Variants in PSD3 observed in about 807,000 individuals in gnomAD.
PSD3 encodes PH and SEC7 domain-containing protein 3.
PSD3 carries 49 observed loss-of-function variants against 105.5 expected under a neutral mutation model. That is an observed-to-expected ratio of 0.46 (90% confidence interval 0.37 to 0.59). The LOEUF is 0.59. Among genes scored for constraint, PSD3 ranks in the 20% least tolerant of loss-of-function variants. The probability of loss-of-function intolerance (pLI) is 0.00; values close to 1 mark genes in which losing one functional copy is unlikely to be tolerated. For synonymous variants in PSD3, 557 were observed against 457.8 expected (o/e 1.22, Z -2.77); for missense variants, 1,561 against 1,263.8 (o/e 1.24, Z -3.57).
At chr8:18,612,163 G>GT (rs34478219) in intron 11 of PSD3, among the ~76,000 whole-genome samples, 33,574 of 152,016 alleles carry the variant, frequency 0.22, 3,965 homozygotes, top group Middle Eastern at 0.38. Flanking sequence ...AAATTTCTTT[G>GT]TTTCTGCCCA....
At position 18,642,336 on chromosome 8, in the gene PSD3, T is replaced by C. The variant is rs149815399; in HGVS notation, c.2217-9530A>G. Among the ~76,000 whole-genome samples the C allele has an allele frequency of 4.6e-3, 704 of 152,268 alleles. 4 individuals carry two copies. Among genetic ancestry groups the C allele is most frequent in the African/African-American group, 0.015 (637 of 41,584 alleles). ...GCTAAATTTTCTCACCTTTAAAAAA[T>C]ATACATATATGTATAAATTATAATG... On this transcript the variant is annotated intron_variant, in intron 10 of 15. Transcript: ENST00000327040.
chr8:19,046,040 A>T (rs1828305469), intron 1 of PSD3, among the ~76,000 whole-genome samples: 1 of 152,124 alleles, frequency 6.6e-6, no homozygotes, highest in South Asian at 2.1e-4. Context: ...GGGGAAGCAA[A>T]CTCTTATAGG....
intron 6 of PSD3, chr8:18,802,368 G>C (rs1202345523): frequency 2.6e-6 from 1 of 385,902 alleles, no homozygotes; most frequent in Non-Finnish European, 5.0e-6. Context: ...CATGAGATGG[G>C]AAGGAAAAAA....
At chr8:18,910,637 TAAAAAAAAAA>T (rs34392783) in intron 2 of PSD3, among the ~76,000 whole-genome samples, 1 of 97,114 alleles carries the variant, frequency 1.0e-5, no homozygotes, top group Non-Finnish European at 2.1e-5. Context: ...TAGAGTATAA[TAAAAAAAAAA>T]AAAAAAAAAA....
At chr8:18,968,227 G>C (rs922792369) in intron 1 of PSD3, among the ~76,000 whole-genome samples, 2 of 152,160 alleles carry the variant, frequency 1.3e-5, no homozygotes, top group African/African-American at 4.8e-5. Context: ...CCCAACATCT[G>C]AGATTCTCCA....
intron 1 of PSD3, among the ~76,000 whole-genome samples, chr8:19,067,179 G>C (rs1374017265): frequency 2.0e-5 from 3 of 152,186 alleles, no homozygotes; most frequent in Non-Finnish European, 4.4e-5. Flanking sequence ...GTATTGTGCT[G>C]TGCCTTCGTT....
intron 2 of PSD3, among the ~76,000 whole-genome samples, chr8:18,933,865 A>AG (rs1821904761): frequency 6.6e-6 from 1 of 152,206 alleles, no homozygotes. Flanking sequence ...CTTCAAGCCC[A>AG]GAATAGTTAG....
At chr8:18,578,343 C>G (rs530212364) in intron 12 of PSD3, among the ~76,000 whole-genome samples, 1 of 152,120 alleles carries the variant, frequency 6.6e-6, no homozygotes, top group Non-Finnish European at 1.5e-5. Context: ...GTAGCTAAGA[C>G]AGATTTAAGG....
At chr8:18,556,565 T>C (rs1176380359) in intron 14 of PSD3, among the ~76,000 whole-genome samples, 2 of 152,200 alleles carry the variant, frequency 1.3e-5, no homozygotes, top group African/African-American at 2.4e-5. Context: ...CCAACCTCTT[T>C]AACTAGGTCC....
intron 11 of PSD3, among the ~76,000 whole-genome samples, chr8:18,610,835 AG>A (rs1223472445): frequency 6.6e-6 from 1 of 151,174 alleles, no homozygotes; most frequent in Non-Finnish European, 1.5e-5. Context: ...AATGCCAGAA[AG>A]TATCATAAAC....
upstream of PSD3, among the ~76,000 whole-genome samples, chr8:19,017,333 G>A (rs1827209540): frequency 6.6e-6 from 1 of 152,158 alleles, no homozygotes; most frequent in South Asian, 2.1e-4. Flanking sequence ...ACAGGCATGA[G>A]TGACCGTGCC....
intron 1 of PSD3, among the ~76,000 whole-genome samples, chr8:19,048,664 A>G (rs1014377429): frequency 2.0e-5 from 3 of 152,244 alleles, no homozygotes; most frequent in Non-Finnish European, 4.4e-5. Flanking sequence ...TTGCCTGTGA[A>G]GCAGTAATCA....
chr8:18,768,079 T>C (rs975951067), intron 8 of PSD3, among the ~76,000 whole-genome samples: 1 of 127,570 alleles, frequency 7.8e-6, no homozygotes, highest in African/African-American at 2.9e-5. Flanking sequence ...GAGACCAGCC[T>C]GGCCAACATA....
exon 1 of PSD3, chr8:19,084,361 T>C (rs143372606): frequency 2.9e-5 from 13 of 456,132 alleles, no homozygotes; most frequent in African/African-American, 2.0e-4. Context: ...GCGCCTCTCC[T>C]CAGCACAGTC....
intron 4 of PSD3, among the ~76,000 whole-genome samples, chr8:18,810,831 C>G (rs1353620015): frequency 1.3e-5 from 2 of 152,152 alleles, no homozygotes; most frequent in African/African-American, 4.8e-5. Context: ...AGGCTGATGA[C>G]ATAGAAACAC....
intron 8 of PSD3, among the ~76,000 whole-genome samples, chr8:18,792,903 A>G (rs1474547296): frequency 1.3e-5 from 2 of 152,210 alleles, no homozygotes; most frequent in East Asian, 3.9e-4. Flanking sequence ...ACTATTCACA[A>G]TAGCGAAGAC....
At chr8:18,788,181 C>T (rs1451291812) in intron 8 of PSD3, among the ~76,000 whole-genome samples, 2 of 152,136 alleles carry the variant, frequency 1.3e-5, no homozygotes, top group Non-Finnish European at 2.9e-5. Flanking sequence ...AGCAAGCAAA[C>T]AGGTTAGGCA....
In PSD3 at chr8:18,531,535, C is replaced by T. The variant is rs538243620; in HGVS notation, c.*4208G>A. The T allele has an allele frequency of 1.1e-4, 17 of 152,344 alleles. No homozygotes were observed. The highest frequency in any genetic ancestry group is 1.0e-3 in the Admixed American group (16 of 15,298). 9.4% of individuals were successfully genotyped at this position (152,344 alleles called of 1,614,324 possible). On this transcript the variant is annotated 3_prime_UTR_variant, in exon 16 of 16. Coordinates refer to ENST00000327040, the MANE Select transcript of PSD3 (RefSeq NM_015310.4). Reference sequence around the variant, plus strand: ...TGTGATGATTTGATCATGTAAGATGCTATAAGACTGGTGGAAAGAAATTTG... The same window carrying T: ...TGTGATGATTTGATCATGTAAGATGTTATAAGACTGGTGGAAAGAAATTTG...
At chr8:18,771,648 C>A (rs1432650700) in intron 8 of PSD3, among the ~76,000 whole-genome samples, 1 of 152,132 alleles carries the variant, frequency 6.6e-6, no homozygotes, top group African/African-American at 2.4e-5. Flanking sequence ...ATCAACAGAC[C>A]ATAAATGTAT....
Sources: gnomAD v4.1 joint callset for allele counts (sites outside exome capture counted in the v4.1 genomes callset) on GRCh38, gnomAD v4.1.1 for gene constraint, MANE v1.5 for transcripts, NCBI Gene and HGNC (gene_info 2026-07-23, HGNC 2026-07-21) for gene names.